PANK1: variants seen among roughly 807,000 people sequenced by gnomAD.
PANK1 encodes the protein pantothenate kinase 1.
PANK1 carries 18 observed loss-of-function variants against 40.1 expected under a neutral mutation model. The observed-to-expected ratio is 0.45, with a 90% CI of 0.31 to 0.67. PANK1 has a LOEUF of 0.67. PANK1 is among the 30% of genes least tolerant of loss of function. The probability of loss-of-function intolerance (pLI) is 0.06; values close to 1 mark genes in which losing one functional copy is unlikely to be tolerated. For synonymous variants in PANK1, 242 were observed against 237.7 expected (o/e 1.02, Z -0.17); for missense variants, 457 against 599.6 (o/e 0.76, Z 2.48).
chr10:89,584,965 G>C (rs1844152614), intron 6 of PANK1, among the ~76,000 whole-genome samples: 1 of 152,140 alleles, frequency 6.6e-6, no homozygotes, highest in Non-Finnish European at 1.5e-5. Context: ...TAAAATAAAA[G>C]ACCATACGTC....
At chr10:89,615,521 T>C (rs1845291433) in intron 1 of PANK1, among the ~76,000 whole-genome samples, 1 of 152,196 alleles carries the variant, frequency 6.6e-6, no homozygotes, top group Non-Finnish European at 1.5e-5. Context: ...GTATAGAGTT[T>C]TGAAATTTCA....
chr10:89,593,089 G>A, intron 5 of PANK1, 108 bp downstream of exon 5: 1 of 1,125,042 alleles, frequency 8.9e-7, no homozygotes, highest in Non-Finnish European at 1.3e-6. Context: ...AGAGTAAAGG[G>A]AAGCTTTCCT....
At chr10:89,621,039 C>G (rs189821563) in intron 1 of PANK1, among the ~76,000 whole-genome samples, 1 of 152,132 alleles carries the variant, frequency 6.6e-6, no homozygotes, top group Non-Finnish European at 1.5e-5. Flanking sequence ...CGGTGGTTCA[C>G]GCCTGTAATC....
chr10:89,645,240 A>T lies in PANK1; in HGVS notation c.-349T>A. On this transcript the variant is annotated 5_prime_UTR_variant, in exon 1 of 7. Transcript: ENST00000307534. ...CAAACGCGGCTTCCTCGCCTCCCAG[A>T]CTGGTCCCCGCCACTGAGCATGCCC... 6.2e-7 allele frequency: 1 copy of T among 1,603,620 alleles called. No homozygotes were observed. The highest frequency in any genetic ancestry group is 8.5e-7 in the Non-Finnish European group (1 of 1,175,716).
At chr10:89,604,965 A>G (rs1457979664) in intron 2 of PANK1, among the ~76,000 whole-genome samples, 1 of 151,148 alleles carries the variant, frequency 6.6e-6, no homozygotes, top group South Asian at 2.1e-4. Flanking sequence ...GTTAGCCAGG[A>G]TGGTCTCGAT....
chr10:89,622,836 C>CAA (rs1180007796), intron 1 of PANK1, among the ~76,000 whole-genome samples: 2 of 105,494 alleles, frequency 1.9e-5, no homozygotes, highest in Non-Finnish European at 4.1e-5. Flanking sequence ...GACTCCATTC[C>CAA]AAAAAAAAAA....
At chr10:89,643,659 T>C (rs1352892531) in intron 1 of PANK1, 4 of 1,484,136 alleles carry the variant, frequency 2.7e-6, no homozygotes, top group Non-Finnish European at 2.8e-6. Context: ...ATAACCTCTA[T>C]GCAAATGCAG....
Position 89,644,768 on chromosome 10 carries a change from G to C in PANK1, c.124C>G (p.Pro42Ala), listed in dbSNP as rs1842066176. Reference sequence around the variant, plus strand: ...GGACCCCGGCTGCAGACGTGCGGCGGCTGGACTGGCGGCGGATGGAAGCCG... The same window carrying C: ...GGACCCCGGCTGCAGACGTGCGGCGCCTGGACTGGCGGCGGATGGAAGCCG... ...HNGFHPPPVQ[P>A]PHVCSRGPVG... The change falls in exon 1 of 7, where the codon CCG becomes GCG. Residue 42 changes from proline (P) to alanine (A), a missense_variant. Transcript: ENST00000307534. 2 of 1,504,626 alleles carry C rather than the reference G, an allele frequency of 1.3e-6. No individual in the cohort carries two copies. The highest frequency in any genetic ancestry group is 1.8e-6 in the Non-Finnish European group (2 of 1,133,886). 93.2% of individuals were successfully genotyped at this position (1,504,626 alleles called of 1,614,324 possible).
rs542532763 is a variant in PANK1 at position 89,643,737 on chromosome 10, C to T, written c.292+863G>A. The T allele has an allele frequency of 3.1e-4, 495 of 1,613,804 alleles. 10 individuals carry two copies. In the South Asian group the frequency reaches 5.0e-3, roughly 16 times the overall value. On this transcript the variant is annotated intron_variant, in intron 1 of 6. Coordinates refer to ENST00000307534, the MANE Select transcript of PANK1 (RefSeq NM_148977.3). ...TTATAAGCTTCATTAAAGACACCCA[C>T]AAAGAAGTAACCAGTTGAATGAGCT...
At chr10:89,586,632 G>GA (rs1179445407) in intron 6 of PANK1, among the ~76,000 whole-genome samples, 4 of 152,114 alleles carry the variant, frequency 2.6e-5, no homozygotes, top group South Asian at 4.1e-4. Flanking sequence ...TTAAAAATGA[G>GA]AAAAAAATGG....
intron 5 of PANK1, among the ~76,000 whole-genome samples, chr10:89,589,995 G>A (rs1844327563): frequency 7.0e-6 from 1 of 143,356 alleles, no homozygotes; most frequent in Admixed American, 7.3e-5. Context: ...AGCATTCCAT[G>A]TTTCAAATAA....
At chr10:89,603,566 TG>T (rs1242737637) in intron 2 of PANK1, among the ~76,000 whole-genome samples, 1 of 152,078 alleles carries the variant, frequency 6.6e-6, no homozygotes, top group Non-Finnish European at 1.5e-5. Flanking sequence ...TGTGGGTCAG[TG>T]GGTTAAGTTA....
chr10:89,637,654 A>C (rs1232847876), intron 1 of PANK1, among the ~76,000 whole-genome samples: 2 of 152,246 alleles, frequency 1.3e-5, no homozygotes, highest in Non-Finnish European at 2.9e-5. Flanking sequence ...TGGTGAGTAA[A>C]TGTGAAGGCC....
intron 2 of PANK1, among the ~76,000 whole-genome samples, chr10:89,602,310 G>A (rs866777792): frequency 2.0e-5 from 3 of 152,190 alleles, no homozygotes; most frequent in Non-Finnish European, 4.4e-5. Context: ...TTCTAACAAA[G>A]TGCTAGCAGC....
rs1315993314 is a variant in PANK1 at position 89,583,823 on chromosome 10, T to A, written c.*583A>T. 6.6e-6 allele frequency: 1 copy of A among 152,330 alleles called. No individual in the cohort carries two copies. The allele number at this position is 152,330 out of a possible 1,614,324, so 9.4% of individuals were successfully genotyped here. ...AAGGTTACAGGTAGGGGGAGGGACATCATCTGAGGACAGAAACAGAGGGAA... is the reference window on the plus strand; with the variant it reads ...AAGGTTACAGGTAGGGGGAGGGACAACATCTGAGGACAGAAACAGAGGGAA... On this transcript the variant is annotated 3_prime_UTR_variant, in exon 7 of 7. Transcript: ENST00000307534.
Position 89,645,079 on chromosome 10 carries a change from C to T in PANK1, c.-188G>A. ...TGCCGACTCCCCCACCTCCTCTGCG[C>T]CCTGCCCCCCGCGCGCCGGCCCCAC... On this transcript the variant is annotated 5_prime_UTR_variant, in exon 1 of 7. Transcript: ENST00000307534. The T allele has an allele frequency of 6.6e-7, 1 of 1,517,442 alleles. No individual in the cohort carries two copies. The highest frequency in any genetic ancestry group is 2.3e-5 in the Admixed American group (1 of 42,728). The allele number at this position is 1,517,442 out of a possible 1,614,324, so 94.0% of individuals were successfully genotyped here.
chr10:89,596,264 C>A (rs536547935), intron 3 of PANK1, among the ~76,000 whole-genome samples: 1 of 152,236 alleles, frequency 6.6e-6, no homozygotes, highest in East Asian at 1.9e-4. Context: ...TCTGTCATCC[C>A]CATGAATAAT....
At chr10:89,630,491 GTT>G (rs202200905) in intron 1 of PANK1, among the ~76,000 whole-genome samples, 1 of 132,554 alleles carries the variant, frequency 7.5e-6, no homozygotes, top group Non-Finnish European at 1.6e-5. Flanking sequence ...CTAATGTGCA[GTT>G]TTTTTGTTTT....
Position 89,599,245 on chromosome 10 carries a change from T to C in PANK1, c.899+7A>G, listed in dbSNP as rs143579480. 5.4e-5 allele frequency: 87 copies of C among 1,611,822 alleles called. No individual in the cohort carries two copies. The African/African-American group carries it at 1.1e-3, about 21-fold the overall frequency. On this transcript the variant is annotated splice_region_variant and intron_variant, in intron 3 of 6. Transcript: ENST00000307534. ...CTGGGTTCAAGCACAAGCAGAAACA[T>C]GTTTACCTGGTCCCTGTAACTCTTT...
Sources: allele counts gnomAD v4.1 joint callset (sites outside exome capture counted in the v4.1 genomes callset), GRCh38; gene constraint gnomAD v4.1.1; transcripts MANE v1.5; gene names NCBI Gene and HGNC (gene_info 2026-07-23, HGNC 2026-07-21).